RTN1: variants seen among roughly 807,000 people sequenced by gnomAD.
RTN1 encodes reticulon-1.
In RTN1, 25 loss-of-function variants were observed where a neutral mutation model predicts 65.5. That is an observed-to-expected ratio of 0.38 (90% CI 0.28 to 0.53). RTN1 has a LOEUF of 0.53. Ranked by LOEUF, RTN1 falls within the 20% of genes least tolerant of loss-of-function variation. The pLI is 0.79. For missense variants in RTN1, 983 were observed against 1,025.4 expected, an observed-to-expected ratio of 0.96 and a Z score of 0.57; for synonymous variants, 471 against 447.6, an observed-to-expected ratio of 1.05 and a Z score of -0.66.
chr14:59,826,155 A>G (rs1456696195), intron 1 of RTN1, among the ~76,000 whole-genome samples: 1 of 152,228 alleles, frequency 6.6e-6, no homozygotes, highest in Non-Finnish European at 1.5e-5. Context: ...AAACTATACT[A>G]AGCACAAACT....
intron 3 of RTN1, among the ~76,000 whole-genome samples, chr14:59,713,394 T>C (rs1884464676): frequency 1.3e-5 from 2 of 152,196 alleles, no homozygotes; most frequent in Non-Finnish European, 1.5e-5. Context: ...AAATTTCCGA[T>C]GAGAACAATC....
chr14:59,608,500 T>A (rs995401168), intron 3 of RTN1, among the ~76,000 whole-genome samples: 1 of 152,202 alleles, frequency 6.6e-6, no homozygotes, highest in South Asian at 2.1e-4. Context: ...CATGCCCTCA[T>A]GACAATGCAA....
intron 1 of RTN1, among the ~76,000 whole-genome samples, chr14:59,845,142 T>C (rs1361531836): frequency 6.6e-6 from 1 of 152,222 alleles, no homozygotes; most frequent in Non-Finnish European, 1.5e-5. Context: ...GGTTCATAGT[T>C]TGCATCTTTT....
chr14:59,596,980 T>C (rs751449068), intron 8 of RTN1, among the ~76,000 whole-genome samples, 193 bp from the exon 9 acceptor site: 4 of 152,090 alleles, frequency 2.6e-5, no homozygotes, highest in Non-Finnish European at 4.4e-5. Context: ...ATAATGAAAA[T>C]AACAGCAACA....
At position 59,654,023 on chromosome 14, in the gene RTN1, AG is replaced by A. The variant is rs151211948; in HGVS notation, c.1766-46532del. ...CTGCAACCTCCACCTCCCAGTTTCA[AG>A]TGATTCTTCCCACTAAGAAAAACTC... On this transcript the variant is annotated intron_variant, in intron 3 of 8. Coordinates refer to ENST00000267484, the MANE Select transcript of RTN1 (RefSeq NM_021136.3). Among the ~76,000 whole-genome samples the A allele has an allele frequency of 6.4e-3, 975 of 152,218 alleles. 8 individuals are homozygous for A. The highest frequency in any genetic ancestry group is 0.023 in the African/African-American group (944 of 41,536).
rs528694148 is a variant in RTN1 at position 59,612,409 on chromosome 14, C to T, written c.1766-4917G>A. On this transcript the variant is annotated intron_variant, in intron 3 of 8. Coordinates refer to ENST00000267484, the MANE Select transcript of RTN1 (RefSeq NM_021136.3). The stretch of plus-strand genomic sequence containing the variant: ...TAAGAAATTCTTACCAGCCAAGTTT[C>T]TGGTCTCTCTCTCTCTCCCTTTCTC... 2.0e-5 allele frequency among the ~76,000 whole-genome samples: 3 copies of T among 152,282 alleles called. No homozygotes were observed. The East Asian group carries it at 5.8e-4, about 29-fold the overall frequency.
At chr14:59,692,857 T>A (rs1883989541) in intron 3 of RTN1, among the ~76,000 whole-genome samples, 1 of 152,182 alleles carries the variant, frequency 6.6e-6, no homozygotes. Context: ...GAAAAAGGAC[T>A]CCCTATTCAT....
intron 1 of RTN1, among the ~76,000 whole-genome samples, chr14:59,809,384 G>C (rs1197664611): frequency 6.7e-6 from 1 of 150,248 alleles, no homozygotes; most frequent in African/African-American, 2.5e-5. Context: ...AATATATTTA[G>C]AGACAATTCT....
intron 3 of RTN1, among the ~76,000 whole-genome samples, chr14:59,714,936 G>A (rs760385235): frequency 8.5e-5 from 13 of 152,172 alleles, no homozygotes; most frequent in Non-Finnish European, 1.6e-4. Flanking sequence ...GATTCTCATA[G>A]GAGCGTGAAC....
At chr14:59,741,415 GATATT>G (rs1885114960) in intron 2 of RTN1, among the ~76,000 whole-genome samples, 1 of 152,002 alleles carries the variant, frequency 6.6e-6, no homozygotes, top group African/African-American at 2.4e-5. Context: ...ATAACTACCT[GATATT>G]ATATTATATA....
chr14:59,779,749 T>TC (rs2139572533), intron 1 of RTN1, among the ~76,000 whole-genome samples: 1 of 152,240 alleles, frequency 6.6e-6, no homozygotes, highest in South Asian at 2.1e-4. Context: ...ACTTACTGCT[T>TC]CCCTGGTCCT....
intron 1 of RTN1, among the ~76,000 whole-genome samples, chr14:59,837,816 T>C (rs1290078001): frequency 6.6e-6 from 1 of 152,180 alleles, no homozygotes; most frequent in Non-Finnish European, 1.5e-5. Context: ...CAACCTTTTT[T>C]TTAACCTTAA....
At chr14:59,626,326 A>C (rs950641046) in intron 3 of RTN1, among the ~76,000 whole-genome samples, 2 of 152,254 alleles carry the variant, frequency 1.3e-5, no homozygotes, top group African/African-American at 4.8e-5. Context: ...GATTGCCTTT[A>C]GGTTATGCTC....
chr14:59,734,404 T>C (rs1271135521), intron 2 of RTN1, among the ~76,000 whole-genome samples: 1 of 152,198 alleles, frequency 6.6e-6, no homozygotes, highest in East Asian at 1.9e-4. Flanking sequence ...ATGACAGAAG[T>C]AGGCTTCAGA....
intron 1 of RTN1, among the ~76,000 whole-genome samples, chr14:59,821,566 G>A (rs539189848): frequency 6.6e-6 from 1 of 152,304 alleles, no homozygotes; most frequent in South Asian, 2.1e-4. Context: ...TAGGAATGAA[G>A]ACAGTGGGCA....
At chr14:59,755,225 A>C (rs545551300) in intron 1 of RTN1, among the ~76,000 whole-genome samples, 1 of 152,228 alleles carries the variant, frequency 6.6e-6, no homozygotes, top group Non-Finnish European at 1.5e-5. Context: ...ACAGAGATAG[A>C]AATGCTCCAT....
chr14:59,654,534 A>G (rs945296512), intron 3 of RTN1, among the ~76,000 whole-genome samples: 1 of 152,066 alleles, frequency 6.6e-6, no homozygotes, highest in African/African-American at 2.4e-5. Flanking sequence ...AAAAAAAAAA[A>G]AACTACAGAG....
intron 3 of RTN1, among the ~76,000 whole-genome samples, chr14:59,647,847 T>A (rs1055373048): frequency 3.9e-5 from 6 of 152,036 alleles, no homozygotes; most frequent in Admixed American, 1.3e-4. Flanking sequence ...TAGAATCATC[T>A]CAAATGTATA....
intron 3 of RTN1, among the ~76,000 whole-genome samples, chr14:59,724,581 G>A (rs2139473530): frequency 6.6e-6 from 1 of 152,298 alleles, no homozygotes; most frequent in East Asian, 1.9e-4. Context: ...AGAACAGCCT[G>A]GGGCTGGGCG....
Sources: gnomAD v4.1 joint callset for allele counts (sites outside exome capture counted in the v4.1 genomes callset) on GRCh38, gnomAD v4.1.1 for gene constraint, MANE v1.5 for transcripts, NCBI Gene and HGNC (gene_info 2026-07-23, HGNC 2026-07-21) for gene names.